MARCHF8: variants seen among roughly 807,000 people sequenced by gnomAD.
The protein encoded by MARCHF8 is E3 ubiquitin-protein ligase MARCHF8.
A neutral mutation model predicts 51.6 loss-of-function variants in MARCHF8; 40 were observed. That is an observed-to-expected ratio of 0.77 (90% CI 0.60 to 1.01). MARCHF8 has a LOEUF of 1.01. Among genes scored for constraint, MARCHF8 ranks in the 50% least tolerant of loss-of-function variants. The probability of loss-of-function intolerance (pLI) is 0.00; values close to 1 mark genes in which losing one functional copy is unlikely to be tolerated. For synonymous variants in MARCHF8, 263 were observed against 280.3 expected, an observed-to-expected ratio of 0.94 and a Z score of 0.62; for missense variants, 685 against 708.6, an observed-to-expected ratio of 0.97 and a Z score of 0.38.
intron 1 of MARCHF8, among the ~76,000 whole-genome samples, chr10:45,572,036 G>C (rs1372271346): frequency 6.6e-6 from 1 of 152,194 alleles, no homozygotes; most frequent in East Asian, 1.9e-4. Context: ...TTGGTGGCAA[G>C]TCAATTGCAG....
At position 45,553,983 on chromosome 10, in the gene MARCHF8, T is replaced by C. The variant is rs1012700555; in HGVS notation, c.-78-20694A>G. ...CATGTATATGTTTTCCATAATTGTT[T>C]AAAAAATAATTGAAAAACTGTCATC... is the stretch of plus-strand genomic sequence containing the variant. On this transcript the variant is annotated intron_variant, in intron 1 of 6. Coordinates refer to the MARCHF8 transcript ENST00000319836. 2.0e-5 allele frequency among the ~76,000 whole-genome samples: 3 copies of C among 152,300 alleles called. No homozygotes were observed. In the South Asian group the frequency reaches 6.2e-4, roughly 32 times the overall value.
intron 1 of MARCHF8, among the ~76,000 whole-genome samples, chr10:45,584,677 G>A (rs954728906): frequency 2.6e-5 from 4 of 152,076 alleles, no homozygotes; most frequent in Non-Finnish European, 5.9e-5. Flanking sequence ...AAGGACCACG[G>A]AGATAAAATA....
At chr10:45,479,780 G>C (rs2042852720) in intron 3 of MARCHF8, among the ~76,000 whole-genome samples, 1 of 152,160 alleles carries the variant, frequency 6.6e-6, no homozygotes, top group South Asian at 2.1e-4. Flanking sequence ...CCAGTCTTGG[G>C]TATGTCTTTA....
intron 2 of MARCHF8, among the ~76,000 whole-genome samples, chr10:45,493,912 A>C (rs1217262733): frequency 6.6e-6 from 1 of 152,230 alleles, no homozygotes; most frequent in African/African-American, 2.4e-5. Flanking sequence ...CAACCTCCCA[A>C]GTAGCTGAGA....
At position 45,548,644 on chromosome 10, in the gene MARCHF8, G is replaced by A. The variant is rs17157919; in HGVS notation, c.-78-15355C>T. 3.9e-5 allele frequency among the ~76,000 whole-genome samples: 6 copies of A among 152,232 alleles called. No individual in the cohort carries two copies. The South Asian group carries it at 8.3e-4, about 21-fold the overall frequency. ...TGTTAGGGTTCTTTTAGCATTTCAC[G>A]TCTGAGAAACAGAACAGGTGTTTTC... On this transcript the variant is annotated intron_variant, in intron 1 of 6. Coordinates refer to the MARCHF8 transcript ENST00000319836.
rs1402856988 is a variant in MARCHF8 at position 45,456,334 on chromosome 10, T to G, written c.*1905A>C. 19 of 152,438 alleles carry G rather than the reference T, an allele frequency of 1.2e-4. No homozygotes were observed. Among genetic ancestry groups the G allele is most frequent in the Non-Finnish European group, 2.2e-4 (15 of 68,294 alleles). The allele number at this position is 152,438 out of a possible 1,614,324, so 9.4% of individuals were successfully genotyped here. A position where few individuals can be genotyped will look rare whatever the true frequency, so the allele number is the denominator to read the frequency against. On this transcript the variant is annotated 3_prime_UTR_variant, in exon 8 of 8. Coordinates refer to ENST00000453424, the MANE Select transcript of MARCHF8 (RefSeq NM_001282866.2). ...AGACAGAAAGGAGAGGCTGACCTAT[T>G]CTCAGGAGCTGGCTATGGCTGGACA...
Position 45,463,626 on chromosome 10 carries a change from G to C in MARCHF8, c.613C>G (p.Leu205Val). 1.3e-6 allele frequency: 2 copies of C among 1,550,710 alleles called. No individual in the cohort carries two copies. The highest frequency in any genetic ancestry group is 1.2e-5 in the South Asian group (1 of 84,064). ...NRFHHKEKRT[L>V]NHKPLGNSKH... ...GAATTGCCAAGAGGTTTGTGGTTCA[G>C]GGTTCTTTTTTCTTTATGATGAAAC... The change falls in exon 5 of 8, where the codon CTG becomes GTG. Residue 205 changes from leucine to valine, a missense_variant. Physicochemically the swap from Leu to Val is conservative, Grantham distance 32. Coordinates refer to ENST00000453424, the MANE Select transcript of MARCHF8 (RefSeq NM_001282866.2).
chr10:45,470,268 C>T (rs1039023865), intron 3 of MARCHF8, among the ~76,000 whole-genome samples: 4 of 152,174 alleles, frequency 2.6e-5, no homozygotes, highest in Non-Finnish European at 4.4e-5. Flanking sequence ...GGGAGGACTG[C>T]GTTTACACAT....
intron 1 of MARCHF8, among the ~76,000 whole-genome samples, chr10:45,533,860 T>C (rs1490225461): frequency 1.3e-5 from 2 of 152,224 alleles, no homozygotes; most frequent in Non-Finnish European, 2.9e-5. Flanking sequence ...TAATTAACTC[T>C]GCCACTGTAG....
At chr10:45,482,650 G>C (rs2042908101) in intron 3 of MARCHF8, among the ~76,000 whole-genome samples, 5 of 152,078 alleles carry the variant, frequency 3.3e-5, no homozygotes, top group Admixed American at 3.3e-4. Flanking sequence ...GCTAATCAGG[G>C]GGCTGAGGCA....
At chr10:45,573,344 T>C (rs2044453205) in intron 1 of MARCHF8, among the ~76,000 whole-genome samples, 1 of 152,192 alleles carries the variant, frequency 6.6e-6, no homozygotes, top group Non-Finnish European at 1.5e-5. Flanking sequence ...GGCAGCCAAG[T>C]AGCAATGTAT....
chr10:45,512,153 A>T (rs1440261967), intron 2 of MARCHF8, among the ~76,000 whole-genome samples: 2 of 148,548 alleles, frequency 1.3e-5, no homozygotes, highest in Non-Finnish European at 3.0e-5. Context: ...GGAGGTGAGG[A>T]GCGTCTCTGC....
In MARCHF8 at chr10:45,456,622, T is replaced by C. The variant is rs929768070; in HGVS notation, c.*1617A>G. ...CGAAACGCCTAAGGCCCAAAAAGAC[T>C]GAGGGCAGGACCCCCAGCATCTCCC... is the stretch of plus-strand genomic sequence containing the variant. On this transcript the variant is annotated 3_prime_UTR_variant, in exon 8 of 8. Coordinates refer to ENST00000453424, the MANE Select transcript of MARCHF8 (RefSeq NM_001282866.2). 7.2e-5 allele frequency: 11 copies of C among 152,264 alleles called. No homozygotes were observed. Among genetic ancestry groups the C allele is most frequent in the African/African-American group, 2.7e-4 (11 of 41,436 alleles). 9.4% of individuals were successfully genotyped at this position (152,264 alleles called of 1,614,324 possible). A position where few individuals can be genotyped will look rare whatever the true frequency, so the allele number is the denominator to read the frequency against.
chr10:45,589,330 C>T (rs2044652438), intron 1 of MARCHF8, among the ~76,000 whole-genome samples: 1 of 152,190 alleles, frequency 6.6e-6, no homozygotes, highest in Non-Finnish European at 1.5e-5. Context: ...ATCTCAGTCA[C>T]ATGGCTATAA....
chr10:45,513,550 G>T (rs1046869088), intron 2 of MARCHF8, among the ~76,000 whole-genome samples: 1 of 152,112 alleles, frequency 6.6e-6, no homozygotes, highest in African/African-American at 2.4e-5. Flanking sequence ...AACTATAAAT[G>T]ATATATTTAC....
At chr10:45,551,899 A>G (rs949550559) in intron 1 of MARCHF8, among the ~76,000 whole-genome samples, 1 of 152,038 alleles carries the variant, frequency 6.6e-6, no homozygotes, top group East Asian at 1.9e-4. Context: ...GTTTCTTTGC[A>G]GAACTCTGAC....
intron 1 of MARCHF8, among the ~76,000 whole-genome samples, chr10:45,581,504 T>C (rs1365368562): frequency 1.3e-5 from 2 of 152,188 alleles, no homozygotes; most frequent in African/African-American, 4.8e-5. Context: ...AATGAGGGCA[T>C]TGTAATTAAT....
intron 2 of MARCHF8, among the ~76,000 whole-genome samples, chr10:45,492,731 C>A (rs1346080036): frequency 6.6e-6 from 1 of 152,212 alleles, no homozygotes; most frequent in East Asian, 1.9e-4. Flanking sequence ...ATTTACTATG[C>A]AACTACTATG....
intron 1 of MARCHF8, among the ~76,000 whole-genome samples, chr10:45,585,909 ATTAG>A (rs887225920): frequency 5.3e-5 from 8 of 152,268 alleles, no homozygotes; most frequent in African/African-American, 1.9e-4. Flanking sequence ...CCTGGACATA[ATTAG>A]TAACAATTTG....
Sources: allele counts gnomAD v4.1 joint callset (sites outside exome capture counted in the v4.1 genomes callset), GRCh38; gene constraint gnomAD v4.1.1; transcripts MANE v1.5; gene names NCBI Gene and HGNC (gene_info 2026-07-23, HGNC 2026-07-21).